DNAH8: variants seen among roughly 807,000 people sequenced by gnomAD.
The protein encoded by DNAH8 is dynein axonemal heavy chain 8.
A neutral mutation model predicts 562.1 loss-of-function variants in DNAH8; 382 were observed. The ratio of observed to expected loss-of-function variants is 0.68; its 90% CI spans 0.63 to 0.74. The LOEUF (loss-of-function observed/expected upper bound fraction) is 0.74, where lower values mean the gene tolerates loss of function less well. Among genes scored for constraint, DNAH8 ranks in the 30% least tolerant of loss-of-function variants. The pLI, the probability that DNAH8 is intolerant of heterozygous loss-of-function variation, is 0.00. For missense variants in DNAH8, 5,203 were observed against 5,620.4 expected (o/e 0.93, Z 2.37); for synonymous variants, 1,881 against 1,919.4 (o/e 0.98, Z 0.52).
rs1777622907 is a variant in DNAH8, at chr6:38,873,390, T to A, written c.7620+14T>A. Reference sequence around the variant, plus strand: ...TATATTGTGCAAGTAAGATTTTTTTTTGTACATTTACTACTTCGATTTTGA... The same window carrying A: ...TATATTGTGCAAGTAAGATTTTTTTATGTACATTTACTACTTCGATTTTGA... On this transcript the variant is annotated intron_variant, in intron 52 of 92. Transcript: ENST00000327475. 4 of 1,575,022 alleles carry A rather than the reference T, an allele frequency of 2.5e-6. No individual in the cohort carries two copies. The highest frequency in any genetic ancestry group is 2.7e-5 in the African/African-American group (2 of 73,156).
intron 1 of DNAH8, among the ~76,000 whole-genome samples, chr6:38,717,236 G>A (rs535946440): frequency 6.6e-6 from 1 of 152,316 alleles, no homozygotes; most frequent in South Asian, 2.1e-4. Flanking sequence ...CAGAGAAAGT[G>A]AACAAGTGTT....
At chr6:38,930,184 CTTT>C (rs1782449818) in intron 75 of DNAH8, among the ~76,000 whole-genome samples, 1 of 152,074 alleles carries the variant, frequency 6.6e-6, no homozygotes, top group African/African-American at 2.4e-5. Context: ...TCATTTATCT[CTTT>C]ATTTTCAGTC....
At chr6:38,892,930 T>A (rs1779435883) in intron 58 of DNAH8, among the ~76,000 whole-genome samples, 1 of 152,174 alleles carries the variant, frequency 6.6e-6, no homozygotes, top group African/African-American at 2.4e-5. Context: ...GAGCGACTGT[T>A]CCAATCATCC....
chr6:38,988,360 C>T, intron 87 of DNAH8, among the ~76,000 whole-genome samples: 1 of 152,130 alleles, frequency 6.6e-6, no homozygotes, highest in South Asian at 2.1e-4. Context: ...TAGTAAGAAA[C>T]TTCATTTTGG....
intron 58 of DNAH8, 92 bp from the exon 59 acceptor site, chr6:38,894,609 T>G: frequency 3.8e-6 from 4 of 1,039,662 alleles, no homozygotes; most frequent in Non-Finnish European, 5.7e-6. Context: ...AGATTTTATC[T>G]AAAATAGGAT....
At chr6:38,939,037 A>G (rs757600787) in intron 79 of DNAH8, 49 bp downstream of exon 79, 2 of 1,483,422 alleles carry the variant, frequency 1.3e-6, no homozygotes, top group East Asian at 2.3e-5. Context: ...GTTGCTTTTG[A>G]TATGCTCTTT....
In DNAH8 at chr6:38,863,978, G is replaced by A; in HGVS notation, c.6416G>A (p.Arg2139Lys). 2 of 1,611,888 alleles carry A rather than the reference G, an allele frequency of 1.2e-6. No homozygotes were observed. Among genetic ancestry groups the A allele is most frequent in the Non-Finnish European group, 1.7e-6 (2 of 1,179,540 alleles). The stretch of plus-strand genomic sequence containing the variant: ...CAAATTTATATTGTTTTGACAGCAA[G>A]AAAAGAAAGAAAGAAACAGTTCATT... ...AQQIYIVLTA[R>K]KERKKQFIFS... Residue 2139 changes from arginine to lysine, a missense_variant, in exon 45 of 93, where the codon AGA becomes AAA. Physicochemically the swap from Arg to Lys is conservative, Grantham distance 26 (BLOSUM62 2). Transcript: ENST00000327475.
At chr6:38,897,111 C>G (rs1297484935) in intron 60 of DNAH8, among the ~76,000 whole-genome samples, 2 of 152,140 alleles carry the variant, frequency 1.3e-5, no homozygotes, top group African/African-American at 2.4e-5. Context: ...AGTGATCCAC[C>G]CATCTCGGCC....
chr6:38,862,085 C>T (rs1388359940), intron 43 of DNAH8, among the ~76,000 whole-genome samples, 195 bp from the exon 44 acceptor site: 3 of 151,470 alleles, frequency 2.0e-5, no homozygotes, highest in Non-Finnish European at 2.9e-5. Flanking sequence ...AAATTAGTCT[C>T]AAGAAATCTT....
At position 38,954,717 on chromosome 6, in the gene DNAH8, A is replaced by T. The variant is rs1444822600; in HGVS notation, c.12451+3197A>T. 7.3e-3 allele frequency among the ~76,000 whole-genome samples: 9 copies of T among 1,236 alleles called. 4 individuals carry two copies. The highest frequency in any genetic ancestry group is 0.031 in the African/African-American group (2 of 64). The allele number at this position is 1,236 out of a possible 152,430, so 0.8% of individuals were successfully genotyped here. A position where few individuals can be genotyped will look rare whatever the true frequency, so the allele number is the denominator to read the frequency against. ...AACTCCGTCTCAAAAAAAAAAAAAA[A>T]AAAAAAAAAAATAAATTACAGCATC... On this transcript the variant is annotated intron_variant, in intron 82 of 92. Transcript: ENST00000327475.
In DNAH8 at chr6:38,812,243, C is replaced by T. The variant is rs546597668; in HGVS notation, c.3258-1811C>T. Among the ~76,000 whole-genome samples the T allele has an allele frequency of 2.0e-5, 3 of 152,274 alleles. No homozygotes were observed. In the East Asian group the frequency reaches 5.8e-4, roughly 29 times the overall value. ...CTGGCTAGGCTGTCCTTGAGTTTCT[C>T]TCCATTTCTACTTCATGGAGATGCT... On this transcript the variant is annotated intron_variant, in intron 24 of 92. Transcript: ENST00000327475.
chr6:38,841,685 C>T (rs1041782599), intron 33 of DNAH8, among the ~76,000 whole-genome samples: 47 of 151,764 alleles, frequency 3.1e-4, no homozygotes, highest in African/African-American at 1.1e-3. Context: ...ACCTTTTATT[C>T]TTGTTTTAAA....
rs555685189 is a variant in DNAH8, at chr6:38,787,628, G to A, written c.2583+676G>A. ...GGAGAATTGCCTAAACCCGGGAGGT[G>A]GAGGTTGCAGTGAGCCGAGATTGCT... On this transcript the variant is annotated intron_variant, in intron 18 of 92. Transcript: ENST00000327475. Among the ~76,000 whole-genome samples, 3 of 149,800 alleles carry A rather than the reference G, an allele frequency of 2.0e-5. No homozygotes were observed. In the East Asian group the frequency reaches 5.9e-4, roughly 30 times the overall value.
chr6:38,880,562 C>T (rs1271599977), intron 53 of DNAH8, among the ~76,000 whole-genome samples: 1 of 151,994 alleles, frequency 6.6e-6, no homozygotes, highest in Non-Finnish European at 1.5e-5. Context: ...AAAATTTATC[C>T]AGAATATGTA....
intron 79 of DNAH8, among the ~76,000 whole-genome samples, chr6:38,941,117 T>G (rs1342760936): frequency 1.3e-5 from 2 of 148,830 alleles, no homozygotes; most frequent in African/African-American, 5.0e-5. Flanking sequence ...AGACTCTGTC[T>G]CAGAAAAAAA....
intron 21 of DNAH8, among the ~76,000 whole-genome samples, chr6:38,797,195 T>A (rs1738236): frequency 0.94 from 142,781 of 152,244 alleles, 67,056 homozygotes; most frequent in African/African-American, 0.98. Flanking sequence ...GGAGTTTGAC[T>A]CCAGCCTAGC....
chr6:38,742,324 G>A (rs934720165), intron 8 of DNAH8, among the ~76,000 whole-genome samples: 2 of 151,922 alleles, frequency 1.3e-5, no homozygotes, highest in Admixed American at 6.6e-5. Context: ...TTTGAAACAG[G>A]GTCTCGTTCT....
In DNAH8 at chr6:38,929,613, G is replaced by A; in HGVS notation, c.11221G>A (p.Ala3741Thr). 2 of 1,606,522 alleles carry A rather than the reference G, an allele frequency of 1.2e-6. No homozygotes were observed. The highest frequency in any genetic ancestry group is 2.2e-5 in the East Asian group (1 of 44,534). ...GGACATTCATGAAGAGCTGGATCCA[G>A]CCTTGGATAATGTATTAGAAAAGAA... The part of the protein sequence containing the change: ...IEDIHEELDP[A>T]LDNVLEKNFI... Residue 3741 changes from alanine to threonine, a missense_variant, in exon 75 of 93, where the codon GCC (alanine) becomes ACC (threonine). Transcript: ENST00000327475.
At chr6:38,871,403 G>T (rs72852744) in intron 49 of DNAH8, among the ~76,000 whole-genome samples, 18,928 of 152,156 alleles carry the variant, frequency 0.12, 1,422 homozygotes, top group Admixed American at 0.21. Flanking sequence ...TTTTATATAT[G>T]ATATGCATAC....
Sources: allele counts gnomAD v4.1 joint callset (sites outside exome capture counted in the v4.1 genomes callset), GRCh38; gene constraint gnomAD v4.1.1; transcripts MANE v1.5; gene names NCBI Gene and HGNC (gene_info 2026-07-23, HGNC 2026-07-21).